Variants in ATF6 observed in about 807,000 individuals in gnomAD.
ATF6 encodes the protein activating transcription factor 6.
A neutral mutation model predicts 83.6 loss-of-function variants in ATF6; 53 were observed. The observed-to-expected ratio is 0.63, with a 90% CI of 0.51 to 0.80. The LOEUF is 0.80. ATF6 is among the 30% of genes least tolerant of loss of function. The pLI is 0.00. For missense variants in ATF6, 744 were observed against 797.9 expected, an observed-to-expected ratio of 0.93 and a Z score of 0.81; for synonymous variants, 288 against 285.8, an observed-to-expected ratio of 1.01 and a Z score of -0.08.
intron 7 of ATF6, among the ~76,000 whole-genome samples, chr1:161,811,041 G>T (rs538993691): frequency 1.3e-5 from 2 of 152,094 alleles, no homozygotes; most frequent in South Asian, 2.1e-4. Flanking sequence ...TCCACTTTTT[G>T]TCTGTTATGA....
chr1:161,960,931 T>A lies in ATF6; in HGVS notation c.*2277T>A. On this transcript the variant is annotated 3_prime_UTR_variant, in exon 16 of 16. Transcript: ENST00000367942. Reference sequence around the variant, plus strand: ...CATAGTCATCCCCAAGATGCTAATCTTCTGCTGGAACTGTCATACGTTATC... The same window carrying A: ...CATAGTCATCCCCAAGATGCTAATCATCTGCTGGAACTGTCATACGTTATC... 1 of 152,228 alleles carries A rather than the reference T, an allele frequency of 6.6e-6. No homozygotes were observed. The highest frequency in any genetic ancestry group is 1.9e-4 in the East Asian group (1 of 5,186). The allele number at this position is 152,228 out of a possible 1,614,324, so 9.4% of individuals were successfully genotyped here.
chr1:161,919,847 G>A (rs1688168498), intron 15 of ATF6, among the ~76,000 whole-genome samples: 1 of 152,180 alleles, frequency 6.6e-6, no homozygotes. Context: ...TAATAGCAAT[G>A]GTTGCAAATA....
chr1:161,918,167 G>T (rs1007074655), intron 15 of ATF6, among the ~76,000 whole-genome samples: 1 of 151,958 alleles, frequency 6.6e-6, no homozygotes, highest in Non-Finnish European at 1.5e-5. Context: ...GAATTTGATA[G>T]GTATATGTTT....
chr1:161,897,290 C>T (rs961331116), intron 14 of ATF6, among the ~76,000 whole-genome samples: 11 of 151,540 alleles, frequency 7.3e-5, no homozygotes, highest in African/African-American at 2.4e-4. Flanking sequence ...AAAAGTTAGC[C>T]GGGCATGGTG....
chr1:161,801,522 T>C (rs997329751), intron 6 of ATF6, among the ~76,000 whole-genome samples: 4 of 152,118 alleles, frequency 2.6e-5, no homozygotes, highest in Non-Finnish European at 4.4e-5. Flanking sequence ...CTCAAACTGC[T>C]GGCCTCCCAA....
At chr1:161,850,305 C>T (rs1686588106) in intron 10 of ATF6, among the ~76,000 whole-genome samples, 1 of 151,936 alleles carries the variant, frequency 6.6e-6, no homozygotes, top group Non-Finnish European at 1.5e-5. Flanking sequence ...CACTTGCTTG[C>T]AACTCTTCAG....
chr1:161,939,488 CAG>C (rs1454644389), intron 15 of ATF6, among the ~76,000 whole-genome samples: 2 of 152,180 alleles, frequency 1.3e-5, no homozygotes, highest in African/African-American at 4.8e-5. Context: ...GCTACTATGA[CAG>C]AGGCCCCAGA....
chr1:161,844,836 T>G (rs34643919), intron 9 of ATF6, among the ~76,000 whole-genome samples: 4 of 152,196 alleles, frequency 2.6e-5, no homozygotes, highest in Admixed American at 6.5e-5. Flanking sequence ...CATGTTTTCT[T>G]AAATACTCAT....
chr1:161,826,748 G>A (rs1399675122), intron 9 of ATF6, among the ~76,000 whole-genome samples: 1 of 152,074 alleles, frequency 6.6e-6, no homozygotes, highest in Non-Finnish European at 1.5e-5. Context: ...GGAGGAAACT[G>A]GCTGTGAAAT....
At chr1:161,861,236 A>G (rs995528628) in intron 13 of ATF6, among the ~76,000 whole-genome samples, 2 of 152,196 alleles carry the variant, frequency 1.3e-5, no homozygotes, top group African/African-American at 4.8e-5. Context: ...GTTCACTTAT[A>G]TGAATTTAAC....
rs1557971141 is a variant in ATF6 at position 161,807,863 on chromosome 1, A to ATTTTTTTTTTTTTTT, written c.909+5592_909+5593insTTTTTTTTTTTTTTT. Among the ~76,000 whole-genome samples the ATTTTTTTTTTTTTTT allele has an allele frequency of 7.3e-5, 4 of 54,786 alleles. 1 individual carries two copies. The highest frequency in any genetic ancestry group is 3.3e-4 in the African/African-American group (4 of 12,204). The allele number at this position is 54,786 out of a possible 152,430, so 35.9% of individuals were successfully genotyped here. On this transcript the variant is annotated intron_variant, in intron 7 of 15. Coordinates refer to ENST00000367942, the MANE Select transcript of ATF6 (RefSeq NM_007348.4). ...TACTTTTTGTACTTTTTAGTTTGTC[A>ATTTTTTTTTTTTTTT]TCTTTTTTTTTTTTTTTTTTTTTTT...
intron 14 of ATF6, among the ~76,000 whole-genome samples, chr1:161,865,062 T>G (rs1192202076): frequency 6.6e-6 from 1 of 152,184 alleles, no homozygotes; most frequent in Admixed American, 6.5e-5. Context: ...TAACAGATAT[T>G]AGAAGTAACA....
chr1:161,933,826 C>A (rs114502490), intron 15 of ATF6, among the ~76,000 whole-genome samples: 1 of 152,192 alleles, frequency 6.6e-6, no homozygotes, highest in African/African-American at 2.4e-5. Context: ...TTTCTTGCTC[C>A]TCCCCATGTT....
rs1473296741 is a variant in ATF6, at chr1:161,861,248, T to G, written c.1604+971T>G. The stretch of plus-strand genomic sequence containing the variant: ...GCAGTTCACTTATATGAATTTAACA[T>G]TTACTTAGAATATACTGTGTGCCAG... On this transcript the variant is annotated intron_variant, in intron 13 of 15. Coordinates refer to ENST00000367942, the MANE Select transcript of ATF6 (RefSeq NM_007348.4). Among the ~76,000 whole-genome samples the G allele has an allele frequency of 3.9e-5, 6 of 152,114 alleles. No homozygotes were observed. The East Asian group carries it at 9.6e-4, about 24-fold the overall frequency.
intron 6 of ATF6, among the ~76,000 whole-genome samples, chr1:161,801,501 C>G (rs1383657331): frequency 6.6e-6 from 1 of 151,226 alleles, no homozygotes; most frequent in Admixed American, 6.6e-5. Flanking sequence ...CACTATGTTG[C>G]CTTGGCTGGT....
intron 14 of ATF6, among the ~76,000 whole-genome samples, chr1:161,863,610 A>C (rs1258441882): frequency 6.6e-6 from 1 of 152,232 alleles, no homozygotes. Context: ...AAAAAAGGAA[A>C]AGTAAAAACA....
chr1:161,947,175 C>T (rs1349950317), intron 15 of ATF6, among the ~76,000 whole-genome samples: 1 of 152,156 alleles, frequency 6.6e-6, no homozygotes, highest in Non-Finnish European at 1.5e-5. Flanking sequence ...GCAGTGGAGT[C>T]TTGCAGTGTG....
At chr1:161,818,427 CA>C (rs1685669608) in intron 7 of ATF6, among the ~76,000 whole-genome samples, 1 of 151,908 alleles carries the variant, frequency 6.6e-6, no homozygotes, top group South Asian at 2.1e-4. Flanking sequence ...TGGTATTAAA[CA>C]AAAAAGTAGG....
chr1:161,857,765 T>C (rs921271656), intron 12 of ATF6, among the ~76,000 whole-genome samples: 1 of 152,096 alleles, frequency 6.6e-6, no homozygotes, highest in Non-Finnish European at 1.5e-5. Context: ...CAATTTATTA[T>C]GGGGTTTACA....
Sources: allele counts gnomAD v4.1 joint callset (sites outside exome capture counted in the v4.1 genomes callset), GRCh38; gene constraint gnomAD v4.1.1; transcripts MANE v1.5; gene names NCBI Gene and HGNC (gene_info 2026-07-23, HGNC 2026-07-21).